Variants in MTUS2 observed in about 807,000 individuals in gnomAD.
The protein encoded by MTUS2 is microtubule-associated tumor suppressor candidate 2.
Under a neutral mutation model 114.1 loss-of-function variants are expected in MTUS2, and 40 were observed. The observed-to-expected ratio is 0.35, with a 90% confidence interval of 0.27 to 0.46. The LOEUF (loss-of-function observed/expected upper bound fraction) is 0.46. Among genes scored for constraint, MTUS2 ranks in the 20% least tolerant of loss-of-function variants. MTUS2 has a pLI of 1.00. For synonymous variants in MTUS2, 688 were observed against 672.0 expected (o/e 1.02, Z -0.37); for missense variants, 1,679 against 1,705.4 (o/e 0.98, Z 0.27).
chr13:29,138,560 TAAA>T (rs1246412576), intron 5 of MTUS2, among the ~76,000 whole-genome samples: 1 of 121,162 alleles, frequency 8.3e-6, no homozygotes, highest in Non-Finnish European at 1.9e-5. Context: ...AAGACTATAT[TAAA>T]AATTAATAGA....
At chr13:29,502,879 C>G in intron 15 of MTUS2, 114 bp from the exon 16 acceptor site, 8 of 1,028,920 alleles carry the variant, frequency 7.8e-6, no homozygotes, top group Non-Finnish European at 1.2e-5. Context: ...ACCCTGGTCC[C>G]TGTTCTCCCT....
intron 4 of MTUS2, among the ~76,000 whole-genome samples, chr13:29,069,197 G>T (rs542763510): frequency 2.6e-5 from 4 of 152,240 alleles, no homozygotes; most frequent in African/African-American, 7.2e-5. Context: ...GGCCTATATG[G>T]TTATGGAGGC....
intron 2 of MTUS2, among the ~76,000 whole-genome samples, chr13:28,871,219 C>T (rs551269970): frequency 2.7e-4 from 41 of 152,220 alleles, no homozygotes; most frequent in African/African-American, 9.9e-4. Flanking sequence ...GAAGAAAGGA[C>T]ACAGTGTTGG....
chr13:29,342,807 G>A (rs1231638806), intron 7 of MTUS2, among the ~76,000 whole-genome samples: 5 of 140,298 alleles, frequency 3.6e-5, no homozygotes, highest in African/African-American at 1.6e-4. Context: ...GTCATAGATG[G>A]CTTTTATTAC....
chr13:28,900,496 T>A (rs1364203528), intron 2 of MTUS2, among the ~76,000 whole-genome samples: 1 of 152,212 alleles, frequency 6.6e-6, no homozygotes, highest in African/African-American at 2.4e-5. Flanking sequence ...GTTCTCCATT[T>A]TTATAATCTT....
chr13:28,891,234 T>C (rs376358817), intron 2 of MTUS2, among the ~76,000 whole-genome samples: 5 of 152,154 alleles, frequency 3.3e-5, no homozygotes, highest in African/African-American at 1.2e-4. Flanking sequence ...GATGCAAAAG[T>C]TGCAGGTGGA....
chr13:28,996,887 G>A (rs1885138300), intron 2 of MTUS2, among the ~76,000 whole-genome samples: 1 of 152,090 alleles, frequency 6.6e-6, no homozygotes, highest in Non-Finnish European at 1.5e-5. Flanking sequence ...GGATTTTTGT[G>A]TCTCTATTTC....
intron 5 of MTUS2, among the ~76,000 whole-genome samples, chr13:29,226,628 G>C (rs1192289648): frequency 1.3e-5 from 2 of 151,606 alleles, no homozygotes; most frequent in Non-Finnish European, 1.5e-5. Context: ...AAATTTAGTA[G>C]GGTTCATCAG....
intron 11 of MTUS2, 48 bp downstream of exon 11, chr13:29,488,053 C>G: frequency 7.0e-7 from 1 of 1,422,066 alleles, no homozygotes; most frequent in Non-Finnish European, 9.9e-7. Flanking sequence ...TGGTGCAATC[C>G]GAGCCTTTCC....
At chr13:29,173,452 G>A (rs1159052215) in intron 5 of MTUS2, among the ~76,000 whole-genome samples, 4 of 152,078 alleles carry the variant, frequency 2.6e-5, no homozygotes, top group Admixed American at 2.6e-4. Flanking sequence ...TTTAGAATTG[G>A]TTTACCTTCA....
Position 29,497,296 on chromosome 13 carries a change from T to A in MTUS2, c.3638T>A (p.Phe1213Tyr). The A allele has an allele frequency of 6.2e-7, 1 of 1,612,164 alleles. No individual in the cohort carries two copies. Among genetic ancestry groups the A allele is most frequent in the Non-Finnish European group, 8.5e-7 (1 of 1,179,950 alleles). ...SQSLRDRARR[F>Y]EEALRKNTEE... ...TCTCTGCGGGACAGAGCCCGCCGCT[T>A]CGAAGAGGCCTTGAGGAAGAACACA... The change falls in exon 13 of 16, where the codon TTC becomes TAC. Residue 1213 changes from phenylalanine (F) to tyrosine (Y), a missense_variant. Transcript: ENST00000612955.
chr13:29,310,875 A>G (rs899147974), intron 6 of MTUS2, among the ~76,000 whole-genome samples: 2 of 152,210 alleles, frequency 1.3e-5, no homozygotes, highest in Admixed American at 1.3e-4. Flanking sequence ...GTTTCTGCTC[A>G]TAGATATATG....
At chr13:29,112,755 G>T (rs1335593005) in intron 5 of MTUS2, among the ~76,000 whole-genome samples, 2 of 152,156 alleles carry the variant, frequency 1.3e-5, no homozygotes, top group Non-Finnish European at 2.9e-5. Flanking sequence ...TGGAGGTACA[G>T]CCATGAAGAC....
intron 6 of MTUS2, among the ~76,000 whole-genome samples, chr13:29,294,960 G>C (rs1053412296): frequency 6.6e-6 from 1 of 152,094 alleles, no homozygotes; most frequent in Non-Finnish European, 1.5e-5. Context: ...GGCTCTTCTT[G>C]GAAATGTGCA....
At chr13:28,907,562 G>A (rs955007975) in intron 2 of MTUS2, among the ~76,000 whole-genome samples, 2 of 151,232 alleles carry the variant, frequency 1.3e-5, no homozygotes, top group Admixed American at 6.6e-5. Context: ...AGGAAGATCT[G>A]CCAAGCAAAT....
At chr13:28,833,817 G>A (rs555632339) in intron 1 of MTUS2, among the ~76,000 whole-genome samples, 13 of 152,148 alleles carry the variant, frequency 8.5e-5, no homozygotes, top group African/African-American at 2.4e-4. Context: ...TACACAGACT[G>A]TGAGAACTAA....
chr13:29,314,178 G>C (rs1297241924), intron 6 of MTUS2, among the ~76,000 whole-genome samples: 1 of 152,186 alleles, frequency 6.6e-6, no homozygotes, highest in East Asian at 1.9e-4. Flanking sequence ...CACAGCCCTA[G>C]AAATGACCAG....
At position 29,182,210 on chromosome 13, in the gene MTUS2, C is replaced by A. The variant is rs539738936; in HGVS notation, c.2644+81240C>A. Among the ~76,000 whole-genome samples, 21 of 152,322 alleles carry A rather than the reference C, an allele frequency of 1.4e-4. No homozygotes were observed. The South Asian group carries it at 4.4e-3, about 32-fold the overall frequency. Reference sequence around the variant, plus strand: ...CTTGGAGTCATCCTTGATTCTCTCTCTTTCTCACACCCAGTATCCAATCCA... The same window carrying A: ...CTTGGAGTCATCCTTGATTCTCTCTATTTCTCACACCCAGTATCCAATCCA... On this transcript the variant is annotated intron_variant, in intron 5 of 15. Transcript: ENST00000612955.
intron 8 of MTUS2, among the ~76,000 whole-genome samples, chr13:29,372,631 G>A (rs1871286147): frequency 6.6e-6 from 1 of 152,188 alleles, no homozygotes; most frequent in East Asian, 1.9e-4. Context: ...GCCACAAGCT[G>A]CTATGTTTCC....
Sources: gnomAD v4.1 joint callset for allele counts (sites outside exome capture counted in the v4.1 genomes callset) on GRCh38, gnomAD v4.1.1 for gene constraint, MANE v1.5 for transcripts, NCBI Gene and HGNC (gene_info 2026-07-23, HGNC 2026-07-21) for gene names.